Variants in PPP1R14D observed in about 807,000 individuals in gnomAD.
PPP1R14D encodes protein phosphatase 1 regulatory inhibitor subunit 14D.
A neutral mutation model predicts 17.1 loss-of-function variants in PPP1R14D; 14 were observed. The ratio of observed to expected loss-of-function variants is 0.82; its 90% CI spans 0.54 to 1.28. The LOEUF (loss-of-function observed/expected upper bound fraction) is 1.28. PPP1R14D is among the 50% of genes most tolerant of loss of function. The pLI is 0.00. For synonymous variants in PPP1R14D, 67 were observed against 66.1 expected, an observed-to-expected ratio of 1.01 and a Z score of -0.06; for missense variants, 173 against 179.2, an observed-to-expected ratio of 0.97 and a Z score of 0.20.
At chr15:40,819,054 C>T (rs956731544) in intron 1 of PPP1R14D, among the ~76,000 whole-genome samples, 1 of 152,046 alleles carries the variant, frequency 6.6e-6, no homozygotes, top group African/African-American at 2.4e-5. Flanking sequence ...GACGTGAGCT[C>T]AAATATAATT....
intron 1 of PPP1R14D, among the ~76,000 whole-genome samples, chr15:40,822,126 A>T (rs1890789755): frequency 6.6e-6 from 1 of 151,970 alleles, no homozygotes; most frequent in Admixed American, 6.6e-5. Context: ...TTTAAAAAAC[A>T]TTTTAAGTTT....
At chr15:40,815,936 C>G (rs1890652082) in intron 3 of PPP1R14D, 26 bp downstream of exon 3, 1 of 1,613,634 alleles carries the variant, frequency 6.2e-7, no homozygotes. Flanking sequence ...CCTCTTACCC[C>G]AGACCAGCAG....
At chr15:40,820,335 T>A (rs942226616) in intron 1 of PPP1R14D, among the ~76,000 whole-genome samples, 2 of 150,688 alleles carry the variant, frequency 1.3e-5, no homozygotes, top group African/African-American at 4.9e-5. Flanking sequence ...GTTTTTGTAT[T>A]TTTAGTAGAG....
chr15:40,820,479 G>A (rs1350457811), intron 1 of PPP1R14D, among the ~76,000 whole-genome samples: 1 of 151,854 alleles, frequency 6.6e-6, no homozygotes, highest in African/African-American at 2.4e-5. Context: ...AACTTAAAAA[G>A]CAGAGCCAGA....
At chr15:40,819,527 A>G (rs949137591) in intron 1 of PPP1R14D, among the ~76,000 whole-genome samples, 2 of 148,508 alleles carry the variant, frequency 1.3e-5, no homozygotes, top group Admixed American at 6.8e-5. Context: ...ACAAAGCAAG[A>G]CTCTCTTTCT....
Position 40,828,569 on chromosome 15 carries a change from A to T in PPP1R14D, c.73T>A (p.Trp25Arg), listed in dbSNP as rs1042439514. 6.2e-7 allele frequency: 1 copy of T among 1,614,096 alleles called. No homozygotes were observed. The highest frequency in any genetic ancestry group is 1.3e-5 in the African/African-American group (1 of 74,928). The change falls in exon 1 of 4, where the codon TGG (tryptophan) becomes AGG (arginine). Residue 25 changes from tryptophan (W) to arginine (R), a missense_variant. Trp to Arg is a moderately radical substitution (Grantham distance 101). Transcript: ENST00000299174. Reference sequence around the variant, plus strand: ...GATGTCCTTCTCCTCCCAGAAGCCCAGTGGACCTTCTTACATGGGTTCTCC... The same window carrying T: ...GATGTCCTTCTCCTCCCAGAAGCCCTGTGGACCTTCTTACATGGGTTCTCC... Reference protein sequence around the residue: ...DGENPCKKVHWASGRRRTSST... With the variant: ...DGENPCKKVHRASGRRRTSST...
At chr15:40,824,441 G>A (rs376160105) in intron 1 of PPP1R14D, among the ~76,000 whole-genome samples, 21 of 151,800 alleles carry the variant, frequency 1.4e-4, no homozygotes, top group Admixed American at 4.6e-4. Flanking sequence ...CACGATCATG[G>A]CTTACTGCAG....
chr15:40,815,875 C>A, intron 3 of PPP1R14D, 87 bp downstream of exon 3: 1 of 1,567,152 alleles, frequency 6.4e-7, no homozygotes, highest in Non-Finnish European at 8.7e-7. Context: ...GGACCCACAG[C>A]CAAGCCTTCC....
Position 40,816,228 on chromosome 15 carries a change from T to G in PPP1R14D, c.281A>C (p.Glu94Ala). 1 of 1,614,142 alleles carries G rather than the reference T, an allele frequency of 6.2e-7. No homozygotes were observed. The highest frequency in any genetic ancestry group is 8.5e-7 in the Non-Finnish European group (1 of 1,180,020). Residue 94 changes from glutamate (E) to alanine (A), a missense_variant, in exon 2 of 4, where the codon GAG becomes GCG. Glu to Ala is a moderately radical substitution (Grantham distance 107, BLOSUM62 -1). Coordinates refer to ENST00000299174, the MANE Select transcript of PPP1R14D (RefSeq NM_017726.8). Reference sequence around the variant, plus strand: ...ATCCATGAGAGCTTCCAGGTCAATCTCAGGCTCAGAAGGGGTTGCTTGATC... The same window carrying G: ...ATCCATGAGAGCTTCCAGGTCAATCGCAGGCTCAGAAGGGGTTGCTTGATC... ...FQDQATPSEP[E>A]IDLEALMDLS...
chr15:40,820,570 A>G (rs1049780150), intron 1 of PPP1R14D, among the ~76,000 whole-genome samples: 5 of 151,930 alleles, frequency 3.3e-5, no homozygotes, highest in Non-Finnish European at 7.4e-5. Context: ...AGAAAGAATC[A>G]GGCCAGGTAC....
chr15:40,824,941 T>C (rs1288693267), intron 1 of PPP1R14D, among the ~76,000 whole-genome samples: 1 of 151,918 alleles, frequency 6.6e-6, no homozygotes, highest in Non-Finnish European at 1.5e-5. Context: ...AATAAGGCTG[T>C]GAGTGTGGAC....
intron 1 of PPP1R14D, among the ~76,000 whole-genome samples, chr15:40,823,831 A>G (rs1412900569): frequency 6.6e-6 from 1 of 152,056 alleles, no homozygotes; most frequent in Non-Finnish European, 1.5e-5. Flanking sequence ...TAAGCAGGGC[A>G]TGACTATATA....
At position 40,828,686 on chromosome 15, in the gene PPP1R14D, T is replaced by A. The variant is rs796501628; in HGVS notation, c.-45A>T. 11 of 1,556,144 alleles carry A rather than the reference T, an allele frequency of 7.1e-6. No homozygotes were observed. In the African/African-American group the frequency reaches 1.5e-4, roughly 21 times the overall value. On this transcript the variant is annotated 5_prime_UTR_variant, in exon 1 of 4. Coordinates refer to ENST00000299174, the MANE Select transcript of PPP1R14D (RefSeq NM_017726.8). Reference sequence around the variant, plus strand: ...AGGAGCTGGGAAAAACCGCCAGTTCTGAGCAGAGCCACAGAGGGAAGTGAG... The same window carrying A: ...AGGAGCTGGGAAAAACCGCCAGTTCAGAGCAGAGCCACAGAGGGAAGTGAG...
At chr15:40,817,977 A>C (rs1027408220) in intron 1 of PPP1R14D, among the ~76,000 whole-genome samples, 4 of 152,100 alleles carry the variant, frequency 2.6e-5, no homozygotes, top group African/African-American at 9.7e-5. Flanking sequence ...AATGAGATGA[A>C]AACACATTCA....
At chr15:40,822,552 C>A (rs1890798906) in intron 1 of PPP1R14D, among the ~76,000 whole-genome samples, 1 of 151,702 alleles carries the variant, frequency 6.6e-6, no homozygotes, top group Admixed American at 6.6e-5. Flanking sequence ...CTCCCGGGTT[C>A]AAGTGATTCT....
In PPP1R14D at chr15:40,824,518, G is replaced by A. The variant is rs747414211; in HGVS notation, c.255+3869C>T. On this transcript the variant is annotated intron_variant, in intron 1 of 3. Coordinates refer to ENST00000299174, the MANE Select transcript of PPP1R14D (RefSeq NM_017726.8). The stretch of plus-strand genomic sequence containing the variant: ...CCCAAGTGGTTGGAACCACAGGCAC[G>A]CACCACCACACCCTGCTAATTTTTT... 4.6e-5 allele frequency among the ~76,000 whole-genome samples: 7 copies of A among 151,752 alleles called. 1 individual carries two copies. The South Asian group carries it at 6.2e-4, about 14-fold the overall frequency.
At chr15:40,817,972 G>A (rs539079101) in intron 1 of PPP1R14D, among the ~76,000 whole-genome samples, 6 of 152,084 alleles carry the variant, frequency 3.9e-5, no homozygotes, top group Non-Finnish European at 8.8e-5. Flanking sequence ...ACCCAAATGA[G>A]ATGAAAACAC....
chr15:40,820,495 CAT>C (rs1890756831), intron 1 of PPP1R14D, among the ~76,000 whole-genome samples: 2 of 151,794 alleles, frequency 1.3e-5, no homozygotes, highest in Non-Finnish European at 2.9e-5. Flanking sequence ...CCAGAAAAGA[CAT>C]AAATGATAGA....
At chr15:40,818,158 T>C (rs1890705909) in intron 1 of PPP1R14D, among the ~76,000 whole-genome samples, 1 of 110,122 alleles carries the variant, frequency 9.1e-6, no homozygotes, top group East Asian at 2.3e-4. Context: ...GGCGTGGTGG[T>C]GGGTGCCTGT....
Sources: allele counts gnomAD v4.1 joint callset (sites outside exome capture counted in the v4.1 genomes callset), GRCh38; gene constraint gnomAD v4.1.1; transcripts MANE v1.5; gene names NCBI Gene and HGNC (gene_info 2026-07-23, HGNC 2026-07-21).